Variants in TM4SF1 observed in about 807,000 individuals in gnomAD.
TM4SF1 encodes transmembrane 4 L6 family member 1.
In TM4SF1, 20 loss-of-function variants were observed where a neutral mutation model predicts 24.5. The ratio of observed to expected loss-of-function variants is 0.82; its 90% CI spans 0.57 to 1.19. TM4SF1 has a LOEUF of 1.19. Among genes scored for constraint, TM4SF1 ranks in the 50% most tolerant of loss-of-function variants. The pLI is 0.00. For synonymous variants in TM4SF1, 107 were observed against 95.4 expected (o/e 1.12, Z -0.71); for missense variants, 258 against 248.1 (o/e 1.04, Z -0.27).
chr3:149,375,452 G>A lies in TM4SF1; in HGVS notation c.404C>T (p.Thr135Ile). The change falls in exon 3 of 5, where the codon ACT becomes ATT. Residue 135 changes from threonine to isoleucine, a missense_variant. By Grantham distance (89) the Thr-to-Ile change is moderately conservative. Transcript: ENST00000305366. ...LGQWNYTFAS[T>I]EGQYLLDTST... The stretch of plus-strand genomic sequence containing the variant: ...GAGAGTAATTACATACTGGCCCTCA[G>A]TGCTGGCAAAGGTGTAGTTCCACTG... 6.2e-7 allele frequency: 1 copy of A among 1,614,180 alleles called. No homozygotes were observed. Among genetic ancestry groups the A allele is most frequent in the South Asian group, 1.1e-5 (1 of 91,088 alleles).
rs1731778199 is a variant in TM4SF1, at chr3:149,369,871, A to C, written c.604T>G (p.Cys202Gly). 1.2e-6 allele frequency: 2 copies of C among 1,606,398 alleles called. No individual in the cohort carries two copies. Among genetic ancestry groups the C allele is most frequent in the South Asian group, 2.2e-5 (2 of 88,978 alleles). ...FCCSHQQQYD[C>G] ...TCTGTCCTGGGTTGGTTCTTTTAGCAGTCATATTGCTGTAGAGAAAATAAA... is the reference window on the plus strand; with the variant it reads ...TCTGTCCTGGGTTGGTTCTTTTAGCCGTCATATTGCTGTAGAGAAAATAAA... The change falls in exon 5 of 5, where the codon TGC (cysteine) becomes GGC (glycine). Residue 202 changes from cysteine to glycine, a missense_variant. Physicochemically the swap from Cys to Gly is radical, Grantham distance 159. Coordinates refer to ENST00000305366, the MANE Select transcript of TM4SF1 (RefSeq NM_014220.3).
At chr3:149,376,759 A>C (rs1731964152) in intron 1 of TM4SF1, among the ~76,000 whole-genome samples, 1 of 152,206 alleles carries the variant, frequency 6.6e-6, no homozygotes, top group South Asian at 2.1e-4. Flanking sequence ...CCAGGTTGGC[A>C]GGGAAATTCC....
rs752187213 is a variant in TM4SF1, at chr3:149,377,410, G to A, written c.138C>T (p.Phe46=). 1.2e-5 allele frequency: 20 copies of A among 1,614,024 alleles called. No individual in the cohort carries two copies. The highest frequency in any genetic ancestry group is 1.7e-5 in the Admixed American group (1 of 59,992). ...CTACGATGCCAGAAAAGAACCACAC[G>A]AAGCGGCTGAGGTGGTTTTCGGAGG... is the stretch of plus-strand genomic sequence containing the variant. ...KYASENHLSR[F]VWFFSGIVGG... Residue 46 remains phenylalanine (F), a synonymous_variant, in exon 1 of 5, where the codon TTC becomes TTT. Coordinates refer to ENST00000305366, the MANE Select transcript of TM4SF1 (RefSeq NM_014220.3).
rs1445767477 is a variant in TM4SF1, at chr3:149,377,488, C to T, written c.60G>A (p.Leu20=). The T allele has an allele frequency of 6.2e-6, 10 of 1,614,042 alleles. No individual in the cohort carries two copies. In the Admixed American group the frequency reaches 1.3e-4, roughly 22 times the overall value. ...AAAGCAAAATATTAGCCGCGATGCA[C>T]AGGAGGGCGAGCCCCACCAGAGAAT... ...IGHSLVGLAL[L]CIAANILLYF... is the part of the protein sequence containing the mutation. Residue 20 remains leucine, a synonymous_variant, in exon 1 of 5, where the codon CTG becomes CTA. Transcript: ENST00000305366.
Position 149,375,470 on chromosome 3 carries a change from T to C in TM4SF1, c.386A>G (p.Asn129Ser). Residue 129 changes from asparagine (N) to serine (S), a missense_variant, in exon 3 of 5, where the codon AAC becomes AGC. Physicochemically the swap from Asn to Ser is conservative, Grantham distance 46. Coordinates refer to ENST00000305366, the MANE Select transcript of TM4SF1 (RefSeq NM_014220.3). ...GCCCTCAGTGCTGGCAAAGGTGTAG[T>C]TCCACTGGCCGAGGGAATCAAGACA... ...PLCLDSLGQWNYTFASTEGQY... is the reference protein window; with the variant it reads ...PLCLDSLGQWSYTFASTEGQY... 2 of 1,614,148 alleles carry C rather than the reference T, an allele frequency of 1.2e-6. No individual in the cohort carries two copies. Among genetic ancestry groups the C allele is most frequent in the Non-Finnish European group, 1.7e-6 (2 of 1,180,036 alleles).
intron 4 of TM4SF1, 61 bp from the exon 5 acceptor site, chr3:149,369,941 T>C: frequency 6.4e-7 from 1 of 1,553,382 alleles, no homozygotes; most frequent in Non-Finnish European, 8.7e-7. Context: ...GACATTTTAG[T>C]CCTTTAAGTT....
intron 1 of TM4SF1, among the ~76,000 whole-genome samples, chr3:149,376,479 G>A (rs1166913777): frequency 6.6e-6 from 1 of 151,908 alleles, no homozygotes; most frequent in Non-Finnish European, 1.5e-5. Context: ...GACCAGCCTG[G>A]GCAACATGGC....
intron 3 of TM4SF1, among the ~76,000 whole-genome samples, chr3:149,374,288 TTC>T (rs1177388040): frequency 1.2e-4 from 19 of 152,236 alleles, no homozygotes; most frequent in Non-Finnish European, 2.4e-4. Context: ...CTAATTCAAA[TTC>T]ATGATCTCAT....
chr3:149,371,958 A>G (rs913369543), intron 3 of TM4SF1, 91 bp from the exon 4 acceptor site: 1 of 1,234,910 alleles, frequency 8.1e-7, no homozygotes, highest in Admixed American at 2.2e-5. Context: ...TCATTCAGAA[A>G]AAAGGAATGA....
intron 4 of TM4SF1, chr3:149,370,639 A>T (rs1467766657): frequency 1.3e-5 from 2 of 152,180 alleles, no homozygotes; most frequent in African/African-American, 4.8e-5. Context: ...AAGGTTTCCC[A>T]TTCCCTTATT....
At chr3:149,376,836 C>A (rs1419605746) in intron 1 of TM4SF1, among the ~76,000 whole-genome samples, 1 of 152,198 alleles carries the variant, frequency 6.6e-6, no homozygotes, top group Non-Finnish European at 1.5e-5. Context: ...CAGACACCGA[C>A]CTGCTGCTAA....
At chr3:149,376,118 T>A (rs1731945783) in intron 1 of TM4SF1, among the ~76,000 whole-genome samples, 1 of 152,230 alleles carries the variant, frequency 6.6e-6, no homozygotes, top group African/African-American at 2.4e-5. Context: ...ATCTGATTTT[T>A]TCCACTTGTA....
chr3:149,370,728 T>C lies in TM4SF1; in HGVS notation c.595-848A>G, dbSNP rs565481657. ...GAAAACTAGATTTTCATTTTAACCT[T>C]CCCCCAAAATTACAGAAAGTTTCCT... On this transcript the variant is annotated intron_variant, in intron 4 of 4. Transcript: ENST00000305366. The C allele has an allele frequency of 2.6e-5, 4 of 152,236 alleles. No individual in the cohort carries two copies. In the South Asian group the frequency reaches 8.3e-4, roughly 32 times the overall value. 9.4% of individuals were successfully genotyped at this position (152,236 alleles called of 1,614,324 possible).
Position 149,377,532 on chromosome 3 carries a change from A to G in TM4SF1, c.16T>C (p.Cys6Arg), listed in dbSNP as rs951749553. ...AGAGAATGTCCGATGCATCGTGCAC[A>G]CTTCCCATAGCACATGGTGGTCTGC... MCYGKCARCIGHSLVG... is the reference protein window; with the variant it reads MCYGKRARCIGHSLVG... The change falls in exon 1 of 5, where the codon TGT (cysteine) becomes CGT (arginine). Residue 6 changes from cysteine (C) to arginine (R), a missense_variant. Coordinates refer to ENST00000305366, the MANE Select transcript of TM4SF1 (RefSeq NM_014220.3). The G allele has an allele frequency of 6.2e-7, 1 of 1,613,440 alleles. No homozygotes were observed. The highest frequency in any genetic ancestry group is 8.5e-7 in the Non-Finnish European group (1 of 1,179,818).
chr3:149,372,381 T>C (rs1731845670), intron 3 of TM4SF1, among the ~76,000 whole-genome samples: 1 of 152,184 alleles, frequency 6.6e-6, no homozygotes, highest in African/African-American at 2.4e-5. Flanking sequence ...TGAGTGAATA[T>C]TTAGAAAATA....
chr3:149,375,330 T>C (rs1387197010), intron 3 of TM4SF1, 113 bp downstream of exon 3: 4 of 1,364,144 alleles, frequency 2.9e-6, no homozygotes, highest in African/African-American at 1.4e-5. Flanking sequence ...GAATAAACAC[T>C]GGCTAGGTGG....
chr3:149,372,256 G>A (rs914252878), intron 3 of TM4SF1, among the ~76,000 whole-genome samples: 2 of 152,034 alleles, frequency 1.3e-5, no homozygotes. Flanking sequence ...GAGCAAATGC[G>A]GAAAAATGAA....
rs1560004394 is a variant in TM4SF1 at position 149,377,565 on chromosome 3, T to C, written c.-18A>G. 3 of 1,600,378 alleles carry C rather than the reference T, an allele frequency of 1.9e-6. No homozygotes were observed. The highest frequency in any genetic ancestry group is 2.6e-6 in the Non-Finnish European group (3 of 1,172,060). On this transcript the variant is annotated 5_prime_UTR_variant, in exon 1 of 5. Coordinates refer to ENST00000305366, the MANE Select transcript of TM4SF1 (RefSeq NM_014220.3). ...TAGCACATGGTGGTCTGCTAGGTTT[T>C]CTCCCCCTTCTCTTTGTCTTCAGCT...
chr3:149,375,429 G>A lies in TM4SF1; in HGVS notation c.413+14C>T, dbSNP rs769449453. The A allele has an allele frequency of 2.5e-6, 4 of 1,613,862 alleles. No individual in the cohort carries two copies. The African/African-American group carries it at 4.0e-5, about 16-fold the overall frequency. ...GGATAAAAATGTGTAGCCATGTAGAGAGTAATTACATACTGGCCCTCAGTG... is the reference window on the plus strand; with the variant it reads ...GGATAAAAATGTGTAGCCATGTAGAAAGTAATTACATACTGGCCCTCAGTG... On this transcript the variant is annotated intron_variant, in intron 3 of 4. Coordinates refer to ENST00000305366, the MANE Select transcript of TM4SF1 (RefSeq NM_014220.3).
Sources: allele counts gnomAD v4.1 joint callset (sites outside exome capture counted in the v4.1 genomes callset), GRCh38; gene constraint gnomAD v4.1.1; transcripts MANE v1.5; gene names NCBI Gene and HGNC (gene_info 2026-07-23, HGNC 2026-07-21).